Variants in MCTP2 observed in about 807,000 individuals in gnomAD.
The protein encoded by MCTP2 is multiple C2 and transmembrane domain containing 2.
Under a neutral mutation model 111.6 loss-of-function variants are expected in MCTP2, and 132 were observed. The ratio of observed to expected loss-of-function variants is 1.18; its 90% confidence interval spans 1.03 to 1.37. The LOEUF is 1.37. MCTP2 is among the 40% of genes most tolerant of loss of function. The probability of loss-of-function intolerance (pLI) is 0.00; values close to 1 mark genes in which losing one functional copy is unlikely to be tolerated. For missense variants in MCTP2, 1,183 were observed against 1,067.9 expected, an observed-to-expected ratio of 1.11 and a Z score of -1.50; for synonymous variants, 395 against 387.7, an observed-to-expected ratio of 1.02 and a Z score of -0.22.
intron 8 of MCTP2, among the ~76,000 whole-genome samples, chr15:94,347,433 T>A (rs1017093643): frequency 1.3e-5 from 2 of 152,236 alleles, no homozygotes; most frequent in Non-Finnish European, 2.9e-5. Flanking sequence ...CTTTTTCTTA[T>A]AATAACTTTA....
intron 8 of MCTP2, among the ~76,000 whole-genome samples, chr15:94,345,650 C>T (rs562253937): frequency 6.6e-6 from 1 of 152,252 alleles, no homozygotes; most frequent in South Asian, 2.1e-4. Context: ...TTAGTTTTTA[C>T]ATTGATAGTA....
chr15:94,359,991 C>T (rs1171632652), intron 10 of MCTP2, among the ~76,000 whole-genome samples: 1 of 152,168 alleles, frequency 6.6e-6, no homozygotes, highest in South Asian at 2.1e-4. Flanking sequence ...AAACCTGGCT[C>T]TCACCTGCCT....
chr15:94,336,676 CATAT>C (rs10644556), intron 4 of MCTP2, among the ~76,000 whole-genome samples: 3 of 146,644 alleles, frequency 2.0e-5, no homozygotes, highest in Admixed American at 1.4e-4. Context: ...TTTTGCTTAG[CATAT>C]ATATATATAT....
chr15:94,284,536 C>T (rs1297286105), intron 1 of MCTP2, among the ~76,000 whole-genome samples: 1 of 152,026 alleles, frequency 6.6e-6, no homozygotes, highest in Non-Finnish European at 1.5e-5. Flanking sequence ...GGGTAAAATT[C>T]GTGAAGGTAA....
intron 4 of MCTP2, among the ~76,000 whole-genome samples, chr15:94,327,107 A>G (rs1450901302): frequency 6.6e-6 from 1 of 152,138 alleles, no homozygotes; most frequent in African/African-American, 2.4e-5. Context: ...TGTTGCAAAA[A>G]TATTTTTAAT....
rs1013141298 is a variant in MCTP2 at position 94,275,911 on chromosome 15, G to A, written c.-65-22290G>A. 3.4e-5 allele frequency among the ~76,000 whole-genome samples: 5 copies of A among 149,146 alleles called. No individual in the cohort carries two copies. In the South Asian group the frequency reaches 6.4e-4, roughly 19 times the overall value. On this transcript the variant is annotated intron_variant, in intron 1 of 22. Transcript: ENST00000357742. ...TTCCCAGGCTGGAGTGTAGTGGCGC[G>A]GATCTTGGCTCACTGCAACCTCTGC...
At chr15:94,457,939 G>A (rs891667937) in intron 19 of MCTP2, among the ~76,000 whole-genome samples, 198 bp from the exon 20 acceptor site, 5 of 152,236 alleles carry the variant, frequency 3.3e-5, no homozygotes, top group African/African-American at 1.2e-4. Flanking sequence ...AGGCTTGCGC[G>A]TTAGGAGTGG....
At chr15:94,379,866 CATAT>C (rs77018457) in intron 12 of MCTP2, among the ~76,000 whole-genome samples, 1 of 142,430 alleles carries the variant, frequency 7.0e-6, no homozygotes, top group Non-Finnish European at 1.5e-5. Flanking sequence ...TAATATATGA[CATAT>C]AATCTATACT....
At chr15:94,241,552 A>G (rs2070958584) in intron 1 of MCTP2, among the ~76,000 whole-genome samples, 1 of 152,172 alleles carries the variant, frequency 6.6e-6, no homozygotes, top group Non-Finnish European at 1.5e-5. Context: ...CTTAGTACTT[A>G]CAAGGCATTT....
intron 7 of MCTP2, chr15:94,343,740 C>T (rs886833280): frequency 6.6e-6 from 1 of 152,140 alleles, no homozygotes; most frequent in African/African-American, 2.4e-5. Flanking sequence ...TTTAACCTCT[C>T]TAAGCTATAA....
intron 14 of MCTP2, among the ~76,000 whole-genome samples, chr15:94,397,097 A>ATTTTTAAACTTTTTACAG (rs2081319074): frequency 1.3e-5 from 2 of 152,166 alleles, no homozygotes; most frequent in African/African-American, 4.8e-5. Context: ...TTTTTCTGCA[A>ATTTTTAAACTTTTTACAG]TTTTTAAACT....
At chr15:94,340,037 G>T (rs969122183) in intron 5 of MCTP2, among the ~76,000 whole-genome samples, 162 bp from the exon 6 acceptor site, 2 of 152,166 alleles carry the variant, frequency 1.3e-5, no homozygotes, top group Non-Finnish European at 1.5e-5. Flanking sequence ...TTTGTTCTCT[G>T]CATTGGCTTG....
At position 94,399,913 on chromosome 15, in the gene MCTP2, T is replaced by C. The variant is rs760791397; in HGVS notation, c.1891-8T>C. 6 of 1,613,470 alleles carry C rather than the reference T, an allele frequency of 3.7e-6. No individual in the cohort carries two copies. Among genetic ancestry groups the C allele is most frequent in the Middle Eastern group, 1.7e-4 (1 of 6,060 alleles). On this transcript the variant is annotated splice_region_variant and splice_polypyrimidine_tract_variant and intron_variant, in intron 15 of 22. Transcript: ENST00000357742. ...GCTGCCCTTTTTTAACAAGGATGTC[T>C]TTTCTAGGTGAAAGCAAGTATTAGG... is the stretch of plus-strand genomic sequence containing the variant.
intron 2 of MCTP2, among the ~76,000 whole-genome samples, chr15:94,309,994 G>A (rs1439069477): frequency 6.6e-6 from 1 of 152,180 alleles, no homozygotes; most frequent in Admixed American, 6.6e-5. Flanking sequence ...GTCATATTGA[G>A]ACTTATTAGC....
intron 2 of MCTP2, among the ~76,000 whole-genome samples, chr15:94,303,098 AGTT>A (rs111426108): frequency 1.6e-5 from 2 of 127,294 alleles, no homozygotes; most frequent in African/African-American, 7.4e-5. Context: ...TAGTTTATAT[AGTT>A]TATATATATA....
chr15:94,341,105 C>T (rs1426754303), intron 7 of MCTP2, 181 bp downstream of exon 7: 12 of 497,580 alleles, frequency 2.4e-5, no homozygotes, highest in Non-Finnish European at 4.0e-5. Flanking sequence ...CTTTGAGGAA[C>T]CGGAAAGGAA....
intron 4 of MCTP2, among the ~76,000 whole-genome samples, chr15:94,324,712 A>T (rs2076780578): frequency 6.6e-6 from 1 of 152,190 alleles, no homozygotes; most frequent in Non-Finnish European, 1.5e-5. Flanking sequence ...TCAGAGAAAA[A>T]ATTTAAAGAT....
intron 10 of MCTP2, among the ~76,000 whole-genome samples, chr15:94,360,453 G>A (rs952639641): frequency 3.3e-5 from 5 of 152,152 alleles, no homozygotes; most frequent in Admixed American, 2.0e-4. Flanking sequence ...CTGCCAATAC[G>A]GATGGTAGTA....
intron 20 of MCTP2, among the ~76,000 whole-genome samples, chr15:94,469,323 C>T (rs1263521317): frequency 6.6e-6 from 1 of 152,160 alleles, no homozygotes; most frequent in Non-Finnish European, 1.5e-5. Flanking sequence ...TATCCAAGTC[C>T]ATGTCCCATC....
Sources: allele counts gnomAD v4.1 joint callset (sites outside exome capture counted in the v4.1 genomes callset), GRCh38; gene constraint gnomAD v4.1.1; transcripts MANE v1.5; gene names NCBI Gene and HGNC (gene_info 2026-07-23, HGNC 2026-07-21).